Variants in SCN9A observed in about 807,000 individuals in gnomAD.
The protein encoded by SCN9A is sodium channel protein type 9 subunit alpha.
Under a neutral mutation model 187.0 loss-of-function variants are expected in SCN9A, and 131 were observed. The ratio of observed to expected loss-of-function variants is 0.70; its 90% confidence interval spans 0.61 to 0.81. The LOEUF is 0.81. Among genes scored for constraint, SCN9A ranks in the 30% least tolerant of loss-of-function variants. The pLI is 0.00. For synonymous variants in SCN9A, 809 were observed against 808.6 expected (o/e 1.00, Z -0.01); for missense variants, 2,252 against 2,396.6 (o/e 0.94, Z 1.26).
chr2:166,245,444 A>T (rs1401791571), intron 18 of SCN9A, among the ~76,000 whole-genome samples: 11 of 151,984 alleles, frequency 7.2e-5, no homozygotes, highest in Admixed American at 7.2e-4. Flanking sequence ...AACAAGAAGG[A>T]CCAAGAGGGT....
At chr2:166,239,365 T>C (rs2106405654) in intron 19 of SCN9A, among the ~76,000 whole-genome samples, 1 of 152,292 alleles carries the variant, frequency 6.6e-6, no homozygotes, top group South Asian at 2.1e-4. Flanking sequence ...ACCTGTATCC[T>C]TCGTGGTTAA....
chr2:166,346,441 C>A (rs1164261562), intron 1 of SCN9A, among the ~76,000 whole-genome samples: 2 of 152,090 alleles, frequency 1.3e-5, no homozygotes, highest in East Asian at 3.9e-4. Context: ...TTTAAAACAA[C>A]TCAATACTGT....
At chr2:166,294,521 A>C (rs1310968945) in intron 8 of SCN9A, 78 bp downstream of exon 8, 1 of 978,626 alleles carries the variant, frequency 1.0e-6, no homozygotes, top group Non-Finnish European at 1.6e-6. Context: ...AGAATCAAAG[A>C]CTAATTTGCA....
chr2:166,214,091 T>G (rs1048896325), intron 24 of SCN9A, among the ~76,000 whole-genome samples: 1 of 152,108 alleles, frequency 6.6e-6, no homozygotes, highest in Admixed American at 6.6e-5. Flanking sequence ...AGAGAAGAGA[T>G]GAACTATATT....
At position 166,226,581 on chromosome 2, in the gene SCN9A, G is replaced by T; in HGVS notation, c.4384C>A (p.Gln1462Lys). ...GAAATACTTATCTTCTTTTTCTGTT[G>T]GTTGAAATTATCTATGATGACACCA... ...FIGVIIDNFN[Q>K]QKKKLGGQDI... Residue 1462 changes from glutamine to lysine, a missense_variant, in exon 24 of 27, where the codon CAA becomes AAA. Coordinates refer to ENST00000642356, the MANE Select transcript of SCN9A (RefSeq NM_001365536.1). The T allele has an allele frequency of 6.5e-7, 1 of 1,546,840 alleles. No homozygotes were observed. The highest frequency in any genetic ancestry group is 1.3e-5 in the South Asian group (1 of 76,704).
intron 1 of SCN9A, among the ~76,000 whole-genome samples, chr2:166,359,271 G>A (rs1262777985): frequency 1.3e-5 from 2 of 151,682 alleles, no homozygotes; most frequent in African/African-American, 4.8e-5. Flanking sequence ...ATTTTCATTG[G>A]GATTGCAATG....
At chr2:166,371,085 C>T (rs13000683) in intron 1 of SCN9A, among the ~76,000 whole-genome samples, 33,518 of 151,944 alleles carry the variant, frequency 0.22, 4,129 homozygotes, top group African/African-American at 0.33. Context: ...GTTAAAGTAA[C>T]GTTAGGTTTC....
intron 1 of SCN9A, among the ~76,000 whole-genome samples, chr2:166,362,919 A>C (rs910064367): frequency 5.9e-5 from 9 of 151,930 alleles, no homozygotes; most frequent in African/African-American, 2.2e-4. Context: ...TCCATATGTC[A>C]TATTTTCATG....
Position 166,198,955 on chromosome 2 carries a change from A to T in SCN9A, c.5684T>A (p.Val1895Asp), listed in dbSNP as rs540262433. ...GTAACGTCTATAAGCACGCTGAATG[A>T]CAGTAGCAGACACATCCTCTTGTTT... is the stretch of plus-strand genomic sequence containing the variant. ...KRKQEDVSAT[V>D]IQRAYRRYRL... Residue 1895 changes from valine to aspartate, a missense_variant, in exon 27 of 27, where the codon GTC (valine) becomes GAC (aspartate). Val to Asp is a radical substitution (Grantham distance 152). Around this residue, in one of 7 missense-constraint regions of SCN9A, gnomAD observed 345 missense variants for 344.6 expected, o/e 1.00. Transcript: ENST00000642356. The T allele has an allele frequency of 6.2e-7, 1 of 1,614,010 alleles. No individual in the cohort carries two copies. The highest frequency in any genetic ancestry group is 1.3e-5 in the African/African-American group (1 of 75,046).
intron 24 of SCN9A, among the ~76,000 whole-genome samples, chr2:166,225,984 G>C (rs1694827542): frequency 6.6e-6 from 1 of 152,042 alleles, no homozygotes; most frequent in Non-Finnish European, 1.5e-5. Context: ...TAAGCCCTCA[G>C]GTTTGTATTA....
chr2:166,356,050 C>T (rs1018254177), intron 1 of SCN9A, among the ~76,000 whole-genome samples: 18 of 152,104 alleles, frequency 1.2e-4, no homozygotes, highest in African/African-American at 3.4e-4. Flanking sequence ...GGATTACAGG[C>T]GTGAGCCACT....
chr2:166,228,553 G>A (rs1016112421), intron 22 of SCN9A, 138 bp downstream of exon 22: 12 of 846,234 alleles, frequency 1.4e-5, no homozygotes, highest in South Asian at 6.0e-5. Flanking sequence ...CACTGCGCCC[G>A]GCCAAGACTG....
chr2:166,277,449 T>C (rs1697286934), intron 15 of SCN9A, 110 bp from the exon 16 acceptor site: 2 of 642,144 alleles, frequency 3.1e-6, no homozygotes, highest in South Asian at 4.5e-5. Flanking sequence ...TATAATATTG[T>C]CATTATTATC....
chr2:166,239,731 C>A (rs1364896036), intron 19 of SCN9A, among the ~76,000 whole-genome samples: 1 of 152,104 alleles, frequency 6.6e-6, no homozygotes, highest in Non-Finnish European at 1.5e-5. Context: ...AATACAAAGA[C>A]AAGGAAGGGG....
intron 1 of SCN9A, among the ~76,000 whole-genome samples, chr2:166,338,447 ATT>A (rs1699683902): frequency 1.3e-5 from 2 of 151,988 alleles, no homozygotes; most frequent in Non-Finnish European, 2.9e-5. Context: ...TACTTATGCT[ATT>A]TGTTGGCTTC....
At chr2:166,226,778 G>T in intron 23 of SCN9A, 74 bp from the exon 24 acceptor site, 1 of 1,205,258 alleles carries the variant, frequency 8.3e-7, no homozygotes, top group Non-Finnish European at 1.1e-6. Flanking sequence ...GGTTTGACCA[G>T]GTAATTCAAA....
chr2:166,334,999 C>T (rs1385022313), intron 1 of SCN9A, among the ~76,000 whole-genome samples: 5 of 152,114 alleles, frequency 3.3e-5, no homozygotes, highest in African/African-American at 1.2e-4. Context: ...TGCTGGCTTA[C>T]ATCCAAGTTT....
chr2:166,258,517 TAAAATC>T (rs1255024875), intron 17 of SCN9A, among the ~76,000 whole-genome samples: 1 of 151,494 alleles, frequency 6.6e-6, no homozygotes, highest in Non-Finnish European at 1.5e-5. Flanking sequence ...TAGGAGCAAA[TAAAATC>T]AAATGTTAAT....
chr2:166,261,013 T>C (rs1696481199), intron 17 of SCN9A, among the ~76,000 whole-genome samples: 1 of 151,802 alleles, frequency 6.6e-6, no homozygotes, highest in East Asian at 1.9e-4. Context: ...TAAGTAAAAA[T>C]TAACTTTTGT....
Sources: gnomAD v4.1 joint callset for allele counts (sites outside exome capture counted in the v4.1 genomes callset) on GRCh38, gnomAD v4.1.1 for gene constraint, gnomAD v4.1.1 regional missense constraint, MANE v1.5 for transcripts, NCBI Gene and HGNC (gene_info 2026-07-23, HGNC 2026-07-21) for gene names.